Variants in PLCL1 observed in about 807,000 individuals in gnomAD.
PLCL1 encodes the protein inactive phospholipase C-like protein 1.
Under a neutral mutation model 84.4 loss-of-function variants are expected in PLCL1, and 41 were observed. The observed-to-expected ratio is 0.49, with a 90% CI of 0.38 to 0.63. The LOEUF is 0.63. Among genes scored for constraint, PLCL1 ranks in the 30% least tolerant of loss-of-function variants. PLCL1 has a pLI of 0.00. For missense variants in PLCL1, 1,206 were observed against 1,367.8 expected (o/e 0.88, Z 1.87); for synonymous variants, 490 against 488.3 (o/e 1.00, Z -0.05).
At position 198,149,320 on chromosome 2, in the gene PLCL1, T is replaced by C. The variant is rs903888068; in HGVS notation, c.*2358T>C. 13 of 152,316 alleles carry C rather than the reference T, an allele frequency of 8.5e-5. No individual in the cohort carries two copies. The highest frequency in any genetic ancestry group is 1.3e-4 in the Non-Finnish European group (9 of 68,036). 9.4% of individuals were successfully genotyped at this position (152,316 alleles called of 1,614,324 possible). On this transcript the variant is annotated 3_prime_UTR_variant, in exon 6 of 6. Transcript: ENST00000428675. ...CTTAGATTTGGTGATGCTAGGAATG[T>C]AGTGTTTTAGATATTAATTCTATTT...
chr2:197,972,745 T>G (rs1259723119), intron 1 of PLCL1, among the ~76,000 whole-genome samples: 1 of 152,240 alleles, frequency 6.6e-6, no homozygotes, highest in Non-Finnish European at 1.5e-5. Flanking sequence ...CAAATTATTA[T>G]TTTTGACATA....
chr2:197,864,816 T>TTTATAC (rs992823727), intron 1 of PLCL1, among the ~76,000 whole-genome samples: 5 of 152,166 alleles, frequency 3.3e-5, no homozygotes, highest in Non-Finnish European at 7.4e-5. Flanking sequence ...CGGACACATT[T>TTTATAC]TTATACAGTA....
At chr2:197,810,465 G>A (rs540481513) in intron 1 of PLCL1, 1 of 337,110 alleles carries the variant, frequency 3.0e-6, no homozygotes, top group Non-Finnish European at 5.9e-6. Flanking sequence ...TAATTACATA[G>A]CCATTGAGGG....
chr2:198,133,466 T>C (rs1434370433), intron 5 of PLCL1, among the ~76,000 whole-genome samples: 1 of 149,688 alleles, frequency 6.7e-6, no homozygotes, highest in Non-Finnish European at 1.5e-5. Context: ...GCATGGCACA[T>C]GTATACATAT....
Position 198,084,648 on chromosome 2 carries a change from T to C in PLCL1, c.1131T>C (p.Phe377=). The change falls in exon 2 of 6, where the codon TTT becomes TTC. Residue 377 remains phenylalanine (F), a synonymous_variant. Coordinates refer to ENST00000428675, the MANE Select transcript of PLCL1 (RefSeq NM_006226.4). ...RQKGFLAIDG[F]TQYLLSSECD... ...AAGGGTTTCTTGCAATTGATGGCTT[T>C]ACCCAGTATTTATTGTCATCAGAAT... 10 of 1,614,116 alleles carry C rather than the reference T, an allele frequency of 6.2e-6. No individual in the cohort carries two copies. Among genetic ancestry groups the C allele is most frequent in the Non-Finnish European group, 8.5e-6 (10 of 1,179,984 alleles).
intron 1 of PLCL1, among the ~76,000 whole-genome samples, chr2:197,909,890 A>G (rs964714268): frequency 1.3e-5 from 2 of 151,840 alleles, no homozygotes; most frequent in African/African-American, 2.4e-5. Context: ...GGGAAATGGG[A>G]AGTGAGCTCT....
chr2:197,886,226 A>T (rs1205119590), intron 1 of PLCL1, among the ~76,000 whole-genome samples: 1 of 151,920 alleles, frequency 6.6e-6, no homozygotes, highest in Non-Finnish European at 1.5e-5. Context: ...AGCTTGACCA[A>T]TATGGTGAAA....
At chr2:198,044,754 G>T (rs1379763227) in intron 1 of PLCL1, among the ~76,000 whole-genome samples, 2 of 152,094 alleles carry the variant, frequency 1.3e-5, no homozygotes. Context: ...CAACTTCCTG[G>T]AGATAGTCAC....
At chr2:197,833,721 G>C (rs192668686) in intron 1 of PLCL1, among the ~76,000 whole-genome samples, 97 of 152,296 alleles carry the variant, frequency 6.4e-4, no homozygotes, top group African/African-American at 2.2e-3. Context: ...AATCAATATA[G>C]TGAAAATGGC....
intron 5 of PLCL1, among the ~76,000 whole-genome samples, chr2:198,111,383 C>T (rs1693617484): frequency 6.6e-6 from 1 of 151,862 alleles, no homozygotes; most frequent in Non-Finnish European, 1.5e-5. Flanking sequence ...AAGCAAGCCA[C>T]AGTCAAGTCT....
chr2:198,002,043 T>A (rs1473083401), intron 1 of PLCL1: 1 of 377,546 alleles, frequency 2.6e-6, no homozygotes. Flanking sequence ...TATATTACAA[T>A]GTAATAATAA....
At chr2:197,927,183 C>A (rs948384643) in intron 1 of PLCL1, among the ~76,000 whole-genome samples, 1 of 152,112 alleles carries the variant, frequency 6.6e-6, no homozygotes, top group African/African-American at 2.4e-5. Flanking sequence ...GAATTTGTGG[C>A]CATCTTTTTA....
At chr2:197,902,556 G>T (rs188309032) in intron 1 of PLCL1, among the ~76,000 whole-genome samples, 1 of 152,236 alleles carries the variant, frequency 6.6e-6, no homozygotes, top group African/African-American at 2.4e-5. Flanking sequence ...TTTTATCTCT[G>T]GAATAGGCAG....
At chr2:197,876,562 T>C (rs760644235) in intron 1 of PLCL1, among the ~76,000 whole-genome samples, 46 of 152,116 alleles carry the variant, frequency 3.0e-4, no homozygotes, top group Non-Finnish European at 6.0e-4. Context: ...TCCTTGAAGA[T>C]AGGACATCTT....
chr2:197,861,862 A>G (rs1379237704), intron 1 of PLCL1, among the ~76,000 whole-genome samples: 1 of 152,208 alleles, frequency 6.6e-6, no homozygotes, highest in Non-Finnish European at 1.5e-5. Context: ...CTATATCCTC[A>G]ATATCAAATA....
In PLCL1 at chr2:198,084,935, A is replaced by C; in HGVS notation, c.1418A>C (p.Glu473Ala). The C allele has an allele frequency of 6.2e-7, 1 of 1,614,010 alleles. No homozygotes were observed. Among genetic ancestry groups the C allele is most frequent in the Non-Finnish European group, 8.5e-7 (1 of 1,179,942 alleles). The change falls in exon 2 of 6, where the codon GAG (glutamate) becomes GCG (alanine). Residue 473 changes from glutamate (E) to alanine (A), a missense_variant. Physicochemically the swap from Glu to Ala is moderately radical, Grantham distance 107 (BLOSUM62 -1). Transcript: ENST00000428675. The part of the protein sequence containing the change: ...TTHVSFRSVI[E>A]VINKFAFVAS... Reference sequence around the variant, plus strand: ...CATGTTTCCTTTCGAAGTGTCATAGAGGTAATAAATAAATTTGCCTTTGTT... The same window carrying C: ...CATGTTTCCTTTCGAAGTGTCATAGCGGTAATAAATAAATTTGCCTTTGTT...
intron 2 of PLCL1, among the ~76,000 whole-genome samples, chr2:198,088,207 T>G (rs1432101926): frequency 1.3e-5 from 2 of 152,180 alleles, no homozygotes; most frequent in Admixed American, 6.5e-5. Context: ...TATCTTAACA[T>G]AAAGTCTTTG....
intron 1 of PLCL1, among the ~76,000 whole-genome samples, chr2:197,964,617 G>A (rs149079070): frequency 1.3e-3 from 201 of 151,870 alleles, no homozygotes; most frequent in African/African-American, 4.3e-3. Context: ...CTCTAGCTAG[G>A]AGTTCCAATT....
chr2:197,962,335 T>C (rs1482823546), intron 1 of PLCL1, among the ~76,000 whole-genome samples: 4 of 152,244 alleles, frequency 2.6e-5, no homozygotes, highest in Admixed American at 6.5e-5. Context: ...TAACCACAGG[T>C]GGATTATCCT....
Sources: allele counts gnomAD v4.1 joint callset (sites outside exome capture counted in the v4.1 genomes callset), GRCh38; gene constraint gnomAD v4.1.1; transcripts MANE v1.5; gene names NCBI Gene and HGNC (gene_info 2026-07-23, HGNC 2026-07-21).